TECPR1: variants seen among roughly 807,000 people sequenced by gnomAD.
TECPR1 encodes tectonin beta-propeller repeat containing 1, also known as tectonin beta-propeller repeat-containing protein 1.
A neutral mutation model predicts 162.4 loss-of-function variants in TECPR1; 122 were observed. The ratio of observed to expected loss-of-function variants is 0.75; its 90% CI spans 0.65 to 0.87. The LOEUF is 0.87. Among genes scored for constraint, TECPR1 ranks in the 40% least tolerant of loss-of-function variants. TECPR1 has a pLI of 0.00. For missense variants in TECPR1, 1,432 were observed against 1,618.2 expected, an observed-to-expected ratio of 0.88 and a Z score of 1.97; for synonymous variants, 642 against 670.6, an observed-to-expected ratio of 0.96 and a Z score of 0.66.
intron 2 of TECPR1, among the ~76,000 whole-genome samples, chr7:98,248,533 CA>C (rs60387349): frequency 5.5e-3 from 53 of 9,614 alleles, no homozygotes; most frequent in African/African-American, 0.021. Context: ...CTGCCACCGG[CA>C]AAAAAAAAAA....
Position 98,218,062 on chromosome 7 carries a change from G to T in TECPR1, c.3158-20C>A. The T allele has an allele frequency of 6.5e-7, 1 of 1,543,074 alleles. No individual in the cohort carries two copies. Among genetic ancestry groups the T allele is most frequent in the East Asian group, 2.4e-5 (1 of 41,006 alleles). On this transcript the variant is annotated intron_variant, in intron 23 of 25. Transcript: ENST00000447648. ...GGTTTCCTGGGGAGAAAAGCAGTGA[G>T]GGTCAAAGGGGAAGACCTTCCCGGC...
At chr7:98,228,890 G>T in intron 16 of TECPR1, 149 bp downstream of exon 16, 1 of 1,167,430 alleles carries the variant, frequency 8.6e-7, no homozygotes, top group Non-Finnish European at 1.2e-6. Context: ...CTGGGTGGAG[G>T]CTGGCAGTGG....
Position 98,217,465 on chromosome 7 carries a change from G to A in TECPR1, c.3423C>T (p.Thr1141=). 1 of 1,610,342 alleles carries A rather than the reference G, an allele frequency of 6.2e-7. No individual in the cohort carries two copies. The highest frequency in any genetic ancestry group is 8.5e-7 in the Non-Finnish European group (1 of 1,178,824). The change falls in exon 26 of 26, where the codon ACC becomes ACT. Residue 1141 remains threonine (T), a synonymous_variant. Transcript: ENST00000447648. ...WDHISVRANA[T]RAPRSSSQEQ... ...CCTGGGACGAGCTCCGGGGGGCCCT[G>A]GTGGCATTGGCCCGGACAGAGATAT... is the stretch of plus-strand genomic sequence containing the variant.
At chr7:98,220,330 A>C (rs962838698) in intron 23 of TECPR1, among the ~76,000 whole-genome samples, 1 of 152,130 alleles carries the variant, frequency 6.6e-6, no homozygotes, top group Admixed American at 6.6e-5. Flanking sequence ...GGCAACAAGA[A>C]TGAAATTCCG....
At chr7:98,245,227 C>A in intron 3 of TECPR1, 160 bp from the exon 4 acceptor site, 1 of 743,878 alleles carries the variant, frequency 1.3e-6, no homozygotes. Flanking sequence ...GACCCAGCAA[C>A]TGGGGACCCC....
chr7:98,222,288 C>A, intron 22 of TECPR1, 98 bp downstream of exon 22: 1 of 1,470,066 alleles, frequency 6.8e-7, no homozygotes, highest in African/African-American at 1.4e-5. Flanking sequence ...GGGGGAAGTC[C>A]CAGCTTCTGG....
intron 23 of TECPR1, among the ~76,000 whole-genome samples, chr7:98,220,748 C>T (rs1484966014): frequency 2.0e-5 from 3 of 152,026 alleles, no homozygotes; most frequent in Non-Finnish European, 2.9e-5. Flanking sequence ...TTAGTAGAGA[C>T]AGGGTTTCAC....
At position 98,246,119 on chromosome 7, in the gene TECPR1, C is replaced by G; in HGVS notation, c.28G>C (p.Asp10His). The G allele has an allele frequency of 6.4e-7, 1 of 1,551,740 alleles. No homozygotes were observed. The highest frequency in any genetic ancestry group is 8.7e-7 in the Non-Finnish European group (1 of 1,148,412). ...AGCGTGTACACTCTCCCGAAGAGGTCCACCGCCCACAGCACTGAGTTGGGC... is the reference window on the plus strand; with the variant it reads ...AGCGTGTACACTCTCCCGAAGAGGTGCACCGCCCACAGCACTGAGTTGGGC... Reference protein sequence around the residue: MPNSVLWAVDLFGRVYTLST... With the variant: MPNSVLWAVHLFGRVYTLST... Residue 10 changes from aspartate to histidine, a missense_variant, in exon 3 of 26, where the codon GAC (aspartate) becomes CAC (histidine). Physicochemically the swap from Asp to His is moderately conservative, Grantham distance 81. Transcript: ENST00000447648.
At chr7:98,223,565 C>G in intron 20 of TECPR1, 97 bp downstream of exon 20, 1 of 1,342,024 alleles carries the variant, frequency 7.5e-7, no homozygotes, top group Non-Finnish European at 1.1e-6. Flanking sequence ...GGTCAGAGGC[C>G]AGGAGATCTG....
rs920147732 is a variant in TECPR1, at chr7:98,231,893, C to T, written c.1885G>A (p.Val629Met). Reference sequence around the variant, plus strand: ...GTGAACTGCTCCAGGGCCAAGCGCACGTCCACCCACTTGTGGGGCTTCCAG... The same window carrying T: ...GTGAACTGCTCCAGGGCCAAGCGCATGTCCACCCACTTGTGGGGCTTCCAG... ...CDWKPHKWVD[V>M]RLALEQFTGH... is the part of the protein sequence containing the mutation. The change falls in exon 13 of 26, where the codon GTG becomes ATG. Residue 629 changes from valine to methionine, a missense_variant. Transcript: ENST00000447648. The T allele has an allele frequency of 1.7e-5, 28 of 1,611,694 alleles. No individual in the cohort carries two copies. The highest frequency in any genetic ancestry group is 1.6e-4 in the Middle Eastern group (1 of 6,084).
Position 98,217,711 on chromosome 7 carries a change from C to T in TECPR1, c.3365G>A (p.Gly1122Asp). Residue 1122 changes from glycine (G) to aspartate (D), a missense_variant, in exon 25 of 26, where the codon GGC becomes GAC. Transcript: ENST00000447648. Reference protein sequence around the residue: ...GVQPHEPKGHGWDYGIGGGWD... With the variant: ...GVQPHEPKGHDWDYGIGGGWD... ...GCTCACCCCGATGCCGTAGTCCCAG[C>T]CGTGGCCCTTGGGCTCGTGAGGCTG... The T allele has an allele frequency of 6.5e-7, 1 of 1,547,344 alleles. No homozygotes were observed. Among genetic ancestry groups the T allele is most frequent in the Non-Finnish European group, 8.7e-7 (1 of 1,145,264 alleles).
In TECPR1 at chr7:98,238,605, C is replaced by T; in HGVS notation, c.939G>A (p.Trp313Ter). The T allele has an allele frequency of 1.3e-6, 2 of 1,564,212 alleles. No individual in the cohort carries two copies. Among genetic ancestry groups the T allele is most frequent in the Non-Finnish European group, 1.7e-6 (2 of 1,154,280 alleles). ...VWAVTKDWKV[W>*]FRRGVNSHNP... ...TGTGAGAGTTGACGCCTCTTCGGAA[C>T]CACACCTGGGGGAGTCAGAAATAAA... Residue 313 changes from tryptophan (W) to a stop codon, truncating the protein, a stop_gained, in exon 9 of 26, where the codon TGG becomes TGA. Coordinates refer to ENST00000447648, the MANE Select transcript of TECPR1 (RefSeq NM_015395.3). LOFTEE classifies it high-confidence loss of function.
rs1389077183 is a variant in TECPR1, at chr7:98,231,080, C to T, written c.2163G>A (p.Lys721=). 2.5e-6 allele frequency: 4 copies of T among 1,606,600 alleles called. No homozygotes were observed. The highest frequency in any genetic ancestry group is 3.4e-6 in the Non-Finnish European group (4 of 1,177,290). The change falls in exon 15 of 26, where the codon AAG becomes AAA. Residue 721 remains lysine, a synonymous_variant. Transcript: ENST00000447648. The part of the protein sequence containing the change: ...LLSLSCCESR[K]VQGRPSPQAI... ...CCTGCGGGGACGGGCGGCCCTGCAC[C>T]TTCCGGCTCTCGCAGCAAGACAGGC...
At chr7:98,240,747 G>T (rs530801098) in intron 8 of TECPR1, 104 bp downstream of exon 8, 14 of 960,566 alleles carry the variant, frequency 1.5e-5, no homozygotes, top group Middle Eastern at 2.2e-4. Context: ...TTGAGACAGG[G>T]TCTCGCTCTG....
At position 98,217,460 on chromosome 7, in the gene TECPR1, G is replaced by A. The variant is rs766582091; in HGVS notation, c.3428C>T (p.Ala1143Val). Residue 1143 changes from alanine (A) to valine (V), a missense_variant, in exon 26 of 26, where the codon GCC (alanine) becomes GTC (valine). Physicochemically the swap from Ala to Val is moderately conservative, Grantham distance 64. Transcript: ENST00000447648. The part of the protein sequence containing the change: ...HISVRANATR[A>V]PRSSSQEQEP... ...CTGCTCCTGGGACGAGCTCCGGGGG[G>A]CCCTGGTGGCATTGGCCCGGACAGA... The A allele has an allele frequency of 3.8e-5, 61 of 1,610,308 alleles. No individual in the cohort carries two copies. The highest frequency in any genetic ancestry group is 1.3e-4 in the Admixed American group (8 of 59,728).
chr7:98,227,999 A>G lies in TECPR1; in HGVS notation c.2513+15T>C, dbSNP rs1172628055. ...ATGCCAGGCAGCATCCTGGCCGGGC[A>G]CCTGTGCCACTTACCTGCTGGTGTA... On this transcript the variant is annotated intron_variant, in intron 17 of 25. Coordinates refer to ENST00000447648, the MANE Select transcript of TECPR1 (RefSeq NM_015395.3). 1.2e-6 allele frequency: 2 copies of G among 1,606,400 alleles called. No individual in the cohort carries two copies. The highest frequency in any genetic ancestry group is 2.2e-5 in the South Asian group (2 of 89,370).
chr7:98,235,826 TCA>T (rs1798581313), intron 10 of TECPR1, among the ~76,000 whole-genome samples: 1 of 2,114 alleles, frequency 4.7e-4, no homozygotes, highest in African/African-American at 1.4e-3. Flanking sequence ...TGAGACTGTC[TCA>T]AAAAAAAAAA....
chr7:98,234,657 T>C (rs75286544), intron 10 of TECPR1, among the ~76,000 whole-genome samples: 3,903 of 151,752 alleles, frequency 0.026, 73 homozygotes, highest in South Asian at 0.056. Flanking sequence ...CTACCAGCAG[T>C]GTATGAAGTT....
intron 8 of TECPR1, among the ~76,000 whole-genome samples, chr7:98,239,460 C>A (rs1017324736): frequency 6.6e-6 from 1 of 152,146 alleles, no homozygotes; most frequent in Non-Finnish European, 1.5e-5. Flanking sequence ...GAGGCCATGG[C>A]AGGAGAATCG....
Sources: allele counts gnomAD v4.1 joint callset (sites outside exome capture counted in the v4.1 genomes callset), GRCh38; gene constraint gnomAD v4.1.1; transcripts MANE v1.5; gene names NCBI Gene and HGNC (gene_info 2026-07-23, HGNC 2026-07-21).